HFM1: variants seen among roughly 807,000 people sequenced by gnomAD.
HFM1 encodes the protein helicase for meiosis 1, also known as probable ATP-dependent DNA helicase HFM1.
HFM1 carries 169 observed loss-of-function variants against 192.1 expected under a neutral mutation model. The observed-to-expected ratio is 0.88, with a 90% CI of 0.78 to 1.00. The LOEUF (loss-of-function observed/expected upper bound fraction) is 1.00, where lower values mean the gene tolerates loss of function less well. HFM1 is among the 50% of genes least tolerant of loss of function. The pLI, the probability that HFM1 is intolerant of heterozygous loss-of-function variation, is 0.00. For missense variants in HFM1, 1,661 were observed against 1,668.0 expected, an observed-to-expected ratio of 1.00 and a Z score of 0.07; for synonymous variants, 525 against 537.8, an observed-to-expected ratio of 0.98 and a Z score of 0.33.
intron 13 of HFM1, among the ~76,000 whole-genome samples, chr1:91,369,557 C>T (rs558619124): frequency 1.3e-5 from 2 of 152,270 alleles, no homozygotes; most frequent in Admixed American, 1.3e-4. Flanking sequence ...AGAACAAAGA[C>T]ACAATGTAAC....
At chr1:91,315,734 T>C in intron 28 of HFM1, 81 bp downstream of exon 28, 1 of 983,500 alleles carries the variant, frequency 1.0e-6, no homozygotes, top group South Asian at 2.0e-5. Context: ...ACAATGATCT[T>C]GTTATTTTTT....
In HFM1 at chr1:91,289,063, G is replaced by A. The variant is rs543594305; in HGVS notation, c.3392-12001C>T. Among the ~76,000 whole-genome samples the A allele has an allele frequency of 1.9e-3, 283 of 151,764 alleles. 1 individual carries two copies. Among genetic ancestry groups the A allele is most frequent in the African/African-American group, 6.2e-3 (258 of 41,392 alleles). ...GGCGGGGGCTGCCCCCCACCTCCCG[G>A]ATGGGGCGGCTGCCGGGCGGAGACA... On this transcript the variant is annotated intron_variant, in intron 30 of 38. Coordinates refer to ENST00000370425, the MANE Select transcript of HFM1 (RefSeq NM_001017975.6).
At chr1:91,322,177 T>A (rs771954597) in intron 23 of HFM1, among the ~76,000 whole-genome samples, 7 of 152,180 alleles carry the variant, frequency 4.6e-5, no homozygotes, top group African/African-American at 9.6e-5. Context: ...ATCTGCCTGA[T>A]GAGTTGTAAA....
rs1229814753 is a variant in HFM1 at position 91,394,553 on chromosome 1, G to T, written c.185-151C>A. The T allele has an allele frequency of 1.5e-5, 8 of 547,318 alleles. No homozygotes were observed. The Admixed American group carries it at 2.8e-4, about 19-fold the overall frequency. The allele number at this position is 547,318 out of a possible 1,614,324, so 33.9% of individuals were successfully genotyped here. A position where few individuals can be genotyped will look rare whatever the true frequency, so the allele number is the denominator to read the frequency against. On this transcript the variant is annotated intron_variant, in intron 3 of 38. Coordinates refer to ENST00000370425, the MANE Select transcript of HFM1 (RefSeq NM_001017975.6). The stretch of plus-strand genomic sequence containing the variant: ...AAGCTCATCTGTAATACCATATACG[G>T]TTTTAAAATATAGGTGATTGTTACA...
chr1:91,385,496 T>C, intron 5 of HFM1, 79 bp downstream of exon 5: 4 of 1,211,362 alleles, frequency 3.3e-6, no homozygotes, highest in South Asian at 1.5e-5. Context: ...AAATTTACTA[T>C]ATTTTTACAT....
At chr1:91,353,922 TG>T (rs140395780) in intron 13 of HFM1, among the ~76,000 whole-genome samples, 51,462 of 133,084 alleles carry the variant, frequency 0.39, 9,868 homozygotes, top group East Asian at 0.53. Flanking sequence ...ACAGGAAACA[TG>T]AAAAAAAAAA....
At chr1:91,405,568 T>C (rs1664761560), upstream of HFM1, among the ~76,000 whole-genome samples, 1 of 152,182 alleles carries the variant, frequency 6.6e-6, no homozygotes, top group African/African-American at 2.4e-5. Flanking sequence ...TTTCTTGCAG[T>C]TCTACTGTTC....
intron 4 of HFM1, among the ~76,000 whole-genome samples, chr1:91,387,722 C>T (rs1447671995): frequency 7.4e-6 from 1 of 135,870 alleles, no homozygotes; most frequent in Non-Finnish European, 1.5e-5. Flanking sequence ...ACAATGAGAT[C>T]ACATGGACAC....
chr1:91,272,880 T>C (rs1224772390), intron 34 of HFM1, among the ~76,000 whole-genome samples: 1 of 151,752 alleles, frequency 6.6e-6, no homozygotes, highest in South Asian at 2.1e-4. Context: ...AATGACAGCA[T>C]GAAGAAAAGA....
chr1:91,326,010 C>T (rs928701375), intron 20 of HFM1, among the ~76,000 whole-genome samples: 2 of 151,596 alleles, frequency 1.3e-5, no homozygotes, highest in African/African-American at 4.8e-5. Context: ...ACTGATCAAG[C>T]AGAAGAAACA....
chr1:91,308,306 A>AT (rs1332011272), intron 30 of HFM1, among the ~76,000 whole-genome samples: 3 of 151,714 alleles, frequency 2.0e-5, no homozygotes, highest in Non-Finnish European at 2.9e-5. Flanking sequence ...CAATTTAGAT[A>AT]TTTTCTACTG....
At chr1:91,370,030 G>A (rs986930166) in intron 13 of HFM1, among the ~76,000 whole-genome samples, 8 of 150,164 alleles carry the variant, frequency 5.3e-5, no homozygotes, top group Non-Finnish European at 1.2e-4. Context: ...ACCCTCCCAA[G>A]ACTAACCCAG....
chr1:91,407,340 A>C (rs1369372946), upstream of HFM1, among the ~76,000 whole-genome samples: 1 of 152,136 alleles, frequency 6.6e-6, no homozygotes, highest in Non-Finnish European at 1.5e-5. Context: ...CATGTACCCC[A>C]AAACTTAAAG....
chr1:91,262,140 AG>A, intron 38 of HFM1, 100 bp downstream of exon 38: 1 of 551,100 alleles, frequency 1.8e-6, no homozygotes, highest in South Asian at 4.1e-5. Flanking sequence ...TGAAATGTTC[AG>A]GCTGTGATCT....
intron 30 of HFM1, among the ~76,000 whole-genome samples, chr1:91,306,390 G>GT (rs1649613425): frequency 6.6e-6 from 1 of 152,020 alleles, no homozygotes; most frequent in South Asian, 2.1e-4. Context: ...TTTGCTAAGA[G>GT]TTTTTTTAAA....
chr1:91,328,312 A>C lies in HFM1; in HGVS notation c.2336-3546T>G, dbSNP rs1570967046. The C allele has an allele frequency of 7.1e-6, 10 of 1,412,216 alleles. No individual in the cohort carries two copies. The South Asian group carries it at 1.3e-4, about 18-fold the overall frequency. 87.5% of individuals were successfully genotyped at this position (1,412,216 alleles called of 1,614,324 possible). A position where few individuals can be genotyped will look rare whatever the true frequency, so the allele number is the denominator to read the frequency against. ...GGCTTAGGACCGCCTGCCCAGGGCA[A>C]CCCTGAATCAAGCTTTAGCCGCCGA... On this transcript the variant is annotated intron_variant, in intron 20 of 38. Transcript: ENST00000370425.
chr1:91,268,807 C>A (rs1666006305), intron 34 of HFM1, among the ~76,000 whole-genome samples: 1 of 152,010 alleles, frequency 6.6e-6, no homozygotes, highest in Admixed American at 6.6e-5. Flanking sequence ...CCTATGGCTG[C>A]AAGTGACGAA....
intron 30 of HFM1, among the ~76,000 whole-genome samples, chr1:91,286,108 T>C (rs1309920527): frequency 6.6e-6 from 1 of 152,202 alleles, no homozygotes; most frequent in Non-Finnish European, 1.5e-5. Context: ...GGAAATTATA[T>C]ATATAGAGTT....
intron 30 of HFM1, among the ~76,000 whole-genome samples, chr1:91,296,530 G>C (rs1647599581): frequency 6.6e-6 from 1 of 151,830 alleles, no homozygotes; most frequent in Non-Finnish European, 1.5e-5. Context: ...TTTATAATTA[G>C]CTGGTTATTT....
Sources: gnomAD v4.1 joint callset for allele counts (sites outside exome capture counted in the v4.1 genomes callset) on GRCh38, gnomAD v4.1.1 for gene constraint, MANE v1.5 for transcripts, NCBI Gene and HGNC (gene_info 2026-07-23, HGNC 2026-07-21) for gene names.